Variants in OCRL observed in about 807,000 individuals in gnomAD.
OCRL encodes inositol polyphosphate 5-phosphatase OCRL.
A neutral mutation model predicts 78.9 loss-of-function variants in OCRL; 8 were observed. The observed-to-expected ratio is 0.10, with a 90% CI of 0.06 to 0.18. The LOEUF is 0.18. OCRL is among the 10% of genes least tolerant of loss of function. The pLI is 1.00. For missense variants in OCRL, 454 were observed against 696.7 expected, an observed-to-expected ratio of 0.65 and a Z score of 3.92; for synonymous variants, 240 against 235.4, an observed-to-expected ratio of 1.02 and a Z score of -0.18.
At chrX:129,571,459 G>A (rs1936301088) in intron 15 of OCRL, among the ~76,000 whole-genome samples, 1 of 105,512 alleles carries the variant, frequency 9.5e-6, no homozygotes, top group Admixed American at 1.0e-4. Context: ...CCGCCTCCTG[G>A]GTTCACGCCA....
Position 129,590,209 on chromosome X carries a change from G to C in OCRL, c.2645G>C (p.Ser882Thr). ...PPNLMARQTP[S>T]DRQRAIQFLL... The stretch of plus-strand genomic sequence containing the variant: ...AACCTTATGGCAAGACAGACTCCAA[G>C]TGACCGCCAGCGTGCTATTCAGTTC... Residue 882 changes from serine to threonine, a missense_variant, in exon 24 of 24, where the codon AGT becomes ACT. Ser to Thr is a moderately conservative substitution (Grantham distance 58, BLOSUM62 1). Coordinates refer to ENST00000371113, the MANE Select transcript of OCRL (RefSeq NM_000276.4). The C allele has an allele frequency of 2.5e-6, 3 of 1,211,589 alleles. No homozygotes were observed. Among genetic ancestry groups the C allele is most frequent in the Non-Finnish European group, 2.2e-6 (2 of 895,396 alleles).
At chrX:129,555,224 C>A (rs1269487155) in intron 4 of OCRL, among the ~76,000 whole-genome samples, 1 of 110,044 alleles carries the variant, frequency 9.1e-6, no homozygotes, top group Non-Finnish European at 1.9e-5. Context: ...TGCCTGTAAT[C>A]CCAGCACTTT....
Position 129,540,281 on chromosome X carries a change from C to A in OCRL, c.-159C>A. On this transcript the variant is annotated 5_prime_UTR_variant, in exon 1 of 24. Transcript: ENST00000371113. ...GCTCTCTCTTGGGTCAGATTCTCAG[C>A]TCCCAGCTCCCCGCTCCCGGCTCCC... 1 of 580,786 alleles carries A rather than the reference C, an allele frequency of 1.7e-6. No homozygotes were observed. The allele number at this position is 580,786 out of a possible 1,213,427, so 47.9% of individuals were successfully genotyped here.
chrX:129,553,753 G>GA (rs754766334), intron 4 of OCRL, among the ~76,000 whole-genome samples: 1 of 111,671 alleles, frequency 9.0e-6, no homozygotes, highest in Non-Finnish European at 1.9e-5. Flanking sequence ...GAAGATGGGG[G>GA]ATCCAAATTT....
In OCRL at chrX:129,540,491, G is replaced by T. The variant is rs752335504; in HGVS notation, c.39+13G>T. 3.5e-6 allele frequency: 4 copies of T among 1,132,817 alleles called. No individual in the cohort carries two copies. The South Asian group carries it at 7.7e-5, about 22-fold the overall frequency. The allele number at this position is 1,132,817 out of a possible 1,213,427, so 93.4% of individuals were successfully genotyped here. On this transcript the variant is annotated intron_variant, in intron 1 of 23. Transcript: ENST00000371113. ...CCAGCCGCTTGCCGTATCCGCCGGA[G>T]AGAAGGGAGAGGGGAGGCCGCGCAG...
intron 17 of OCRL, 43 bp from the exon 18 acceptor site, chrX:129,576,274 C>T (rs1569461777): frequency 3.5e-6 from 4 of 1,128,570 alleles, no homozygotes; most frequent in South Asian, 1.8e-5. Context: ...TGCTTTCCCA[C>T]TGGAGGTTTT....
chrX:129,576,310 A>G lies in OCRL; in HGVS notation c.1880-7A>G, dbSNP rs377504756. The G allele has an allele frequency of 3.8e-5, 45 of 1,187,584 alleles. No homozygotes were observed. Among genetic ancestry groups the G allele is most frequent in the Non-Finnish European group, 4.6e-5 (40 of 874,900 alleles). Reference sequence around the variant, plus strand: ...CCTATTACCATGTATCATCTCTTACATTTCAGATGAGACAGTGGACATTTC... The same window carrying G: ...CCTATTACCATGTATCATCTCTTACGTTTCAGATGAGACAGTGGACATTTC... On this transcript the variant is annotated splice_polypyrimidine_tract_variant and splice_region_variant and intron_variant, in intron 17 of 23. Transcript: ENST00000371113.
intron 18 of OCRL, among the ~76,000 whole-genome samples, chrX:129,582,564 A>T (rs1936456959): frequency 8.9e-6 from 1 of 112,532 alleles, no homozygotes; most frequent in Non-Finnish European, 1.9e-5. Flanking sequence ...TAGATTCTTC[A>T]TTTGATAACA....
chrX:129,572,398 C>T (rs1180497536), intron 15 of OCRL, among the ~76,000 whole-genome samples: 1 of 112,548 alleles, frequency 8.9e-6, no homozygotes, highest in Non-Finnish European at 1.9e-5. Context: ...TTGTGAAATT[C>T]TTTGGGGTTC....
intron 18 of OCRL, among the ~76,000 whole-genome samples, chrX:129,583,108 A>G (rs763095134): frequency 8.9e-6 from 1 of 111,756 alleles, no homozygotes; most frequent in South Asian, 3.8e-4. Flanking sequence ...CAAGGTAAAT[A>G]TTACTATCCC....
intron 2 of OCRL, among the ~76,000 whole-genome samples, chrX:129,544,663 T>C (rs758830770): frequency 8.9e-6 from 1 of 111,909 alleles, no homozygotes; most frequent in Non-Finnish European, 1.9e-5. Flanking sequence ...TGTCAGTTCT[T>C]CACTCTGGTA....
chrX:129,556,444 C>T (rs1324194115), intron 4 of OCRL, among the ~76,000 whole-genome samples: 1 of 111,711 alleles, frequency 9.0e-6, no homozygotes, highest in Non-Finnish European at 1.9e-5. Context: ...GTGCACCCTG[C>T]ATGCGTACCC....
At position 129,545,866 on chromosome X, in the gene OCRL, C is replaced by A. The variant is rs763686868; in HGVS notation, c.199+829C>A. ...AGTAGCTGGGACTGCAGGTGCACCA[C>A]CCCCCAGCTAATTTTTTTTGTAATT... On this transcript the variant is annotated intron_variant, in intron 3 of 23. Coordinates refer to ENST00000371113, the MANE Select transcript of OCRL (RefSeq NM_000276.4). Among the ~76,000 whole-genome samples, 9 of 110,406 alleles carry A rather than the reference C, an allele frequency of 8.2e-5. No homozygotes were observed. The South Asian group carries it at 3.5e-3, about 42-fold the overall frequency.
intron 9 of OCRL, 44 bp downstream of exon 9, chrX:129,560,695 G>A (rs1163697135): frequency 6.6e-6 from 6 of 906,676 alleles, no homozygotes; most frequent in Non-Finnish European, 9.7e-6. Context: ...TATGTTTGGT[G>A]TTCATTTACA....
intron 15 of OCRL, among the ~76,000 whole-genome samples, chrX:129,574,264 T>A (rs937281491): frequency 6.2e-5 from 7 of 112,539 alleles, no homozygotes; most frequent in Non-Finnish European, 1.3e-4. Flanking sequence ...TTTTGTGAAA[T>A]TTCCTAGTCT....
chrX:129,568,401 C>T (rs1286154495), intron 14 of OCRL, among the ~76,000 whole-genome samples: 2 of 111,582 alleles, frequency 1.8e-5, no homozygotes, highest in African/African-American at 6.5e-5. Flanking sequence ...AAAGAATCCC[C>T]ACGCATGTTC....
chrX:129,568,039 G>A (rs1177494831), intron 14 of OCRL, among the ~76,000 whole-genome samples: 1 of 107,724 alleles, frequency 9.3e-6, no homozygotes, highest in Non-Finnish European at 1.9e-5. Flanking sequence ...TCAGCCTCCC[G>A]AGTAGCTGGG....
In OCRL at chrX:129,590,257, G is replaced by A; in HGVS notation, c.2693G>A (p.Ser898Asn). The A allele has an allele frequency of 8.3e-7, 1 of 1,211,274 alleles. No individual in the cohort carries two copies. The highest frequency in any genetic ancestry group is 1.1e-6 in the Non-Finnish European group (1 of 895,374). The change falls in exon 24 of 24, where the codon AGC (serine) becomes AAC (asparagine). Residue 898 changes from serine (S) to asparagine (N), a missense_variant. Ser to Asn is a conservative substitution (Grantham distance 46). Coordinates refer to ENST00000371113, the MANE Select transcript of OCRL (RefSeq NM_000276.4). ...TTCCTTCTGGGCTTTCTGCTTGGGA[G>A]CGAAGAAGACTAAGGCTTTTACTGT... is the stretch of plus-strand genomic sequence containing the variant. Reference protein sequence around the residue: ...IQFLLGFLLGSEED With the variant: ...IQFLLGFLLGNEED
chrX:129,546,899 T>A (rs545316531), intron 3 of OCRL, among the ~76,000 whole-genome samples: 2 of 111,003 alleles, frequency 1.8e-5, no homozygotes, highest in Admixed American at 1.9e-4. Flanking sequence ...TTCATCTCCT[T>A]TCTATTTCCT....
Sources: allele counts gnomAD v4.1 joint callset (sites outside exome capture counted in the v4.1 genomes callset), GRCh38; gene constraint gnomAD v4.1.1; transcripts MANE v1.5; gene names NCBI Gene and HGNC (gene_info 2026-07-23, HGNC 2026-07-21).